IRF2: variants seen among roughly 807,000 people sequenced by gnomAD.
IRF2 encodes the protein interferon regulatory factor 2.
IRF2 carries 15 observed loss-of-function variants against 40.6 expected under a neutral mutation model. The ratio of observed to expected loss-of-function variants is 0.37; its 90% confidence interval spans 0.25 to 0.57. The LOEUF (loss-of-function observed/expected upper bound fraction) is 0.57. Among genes scored for constraint, IRF2 ranks in the 20% least tolerant of loss-of-function variants. The probability of loss-of-function intolerance (pLI) is 0.77; values close to 1 mark genes in which losing one functional copy is unlikely to be tolerated. For missense variants in IRF2, 317 were observed against 455.7 expected (o/e 0.70, Z 2.77); for synonymous variants, 151 against 165.5 (o/e 0.91, Z 0.67).
rs1307569708 is a variant in IRF2, at chr4:184,398,963, T to A, written c.646A>T (p.Met216Leu). The A allele has an allele frequency of 1.2e-6, 2 of 1,613,368 alleles. No homozygotes were observed. Among genetic ancestry groups the A allele is most frequent in the Admixed American group, 1.7e-5 (1 of 59,922 alleles). The change falls in exon 7 of 9, where the codon ATG becomes TTG. Residue 216 changes from methionine to leucine, a missense_variant. By Grantham distance (15) the Met-to-Leu change is conservative (BLOSUM62 2). Coordinates refer to ENST00000393593, the MANE Select transcript of IRF2 (RefSeq NM_002199.4). Reference protein sequence around the residue: ...TTESDEQPVSMSELYPLQISP... With the variant: ...TTESDEQPVSLSELYPLQISP... Reference sequence around the variant, plus strand: ...ATCTGCAGAGGGTAGAGCTCGCTCATGCTGACCGGCTGCTCGTCGCTCTCA... The same window carrying A: ...ATCTGCAGAGGGTAGAGCTCGCTCAAGCTGACCGGCTGCTCGTCGCTCTCA...
In IRF2 at chr4:184,391,209, C is replaced by T. The variant is rs1736250222; in HGVS notation, c.695-460G>A. Among the ~76,000 whole-genome samples, 3 of 152,234 alleles carry T rather than the reference C, an allele frequency of 2.0e-5. No homozygotes were observed. In the South Asian group the frequency reaches 6.2e-4, roughly 31 times the overall value. The stretch of plus-strand genomic sequence containing the variant: ...CCTTTAGGACTTAGATCCTGGATTT[C>T]TAGAGTTGCATCTGCCATGTGGGTT... On this transcript the variant is annotated intron_variant, in intron 7 of 8. Transcript: ENST00000393593.
rs1217937476 is a variant in IRF2 at position 184,460,150 on chromosome 4, C to T, written c.-7+14229G>A. 3.9e-5 allele frequency among the ~76,000 whole-genome samples: 6 copies of T among 152,314 alleles called. No homozygotes were observed. In the East Asian group the frequency reaches 9.6e-4, roughly 24 times the overall value. ...AATCTAGGAATATTACTCAGTCTTA[C>T]AGAGGAATGAAGCTCTGATGCATGC... On this transcript the variant is annotated intron_variant, in intron 1 of 8. Coordinates refer to ENST00000393593, the MANE Select transcript of IRF2 (RefSeq NM_002199.4).
At chr4:184,425,807 T>A (rs1003600514) in intron 2 of IRF2, among the ~76,000 whole-genome samples, 2 of 152,130 alleles carry the variant, frequency 1.3e-5, no homozygotes, top group African/African-American at 4.8e-5. Context: ...AGAAAAGGCA[T>A]CTCAACTGAG....
intron 2 of IRF2, among the ~76,000 whole-genome samples, chr4:184,428,247 G>A (rs560062582): frequency 6.6e-6 from 1 of 152,220 alleles, no homozygotes; most frequent in South Asian, 2.1e-4. Context: ...ACAAAAACAA[G>A]CTTTCTTTAA....
intron 1 of IRF2, among the ~76,000 whole-genome samples, chr4:184,443,997 T>A (rs1301134988): frequency 6.6e-6 from 1 of 152,190 alleles, no homozygotes; most frequent in Admixed American, 6.5e-5. Context: ...TTATTCATCA[T>A]GGAGTAGGAT....
At chr4:184,442,028 G>A (rs2046510967) in intron 1 of IRF2, among the ~76,000 whole-genome samples, 2 of 152,122 alleles carry the variant, frequency 1.3e-5, no homozygotes, top group South Asian at 4.1e-4. Flanking sequence ...TCTGCACTGG[G>A]AGCCTGTGTG....
chr4:184,438,713 T>C (rs554345964), intron 1 of IRF2, among the ~76,000 whole-genome samples: 1 of 152,336 alleles, frequency 6.6e-6, no homozygotes, highest in East Asian at 1.9e-4. Context: ...TTTAACATTT[T>C]TGTAGAAACA....
At chr4:184,440,599 G>A (rs767877937) in intron 1 of IRF2, among the ~76,000 whole-genome samples, 3 of 152,228 alleles carry the variant, frequency 2.0e-5, no homozygotes, top group Non-Finnish European at 2.9e-5. Flanking sequence ...GCGGCTGATC[G>A]CCTCATCTGA....
chr4:184,388,212 GGGA>G lies in IRF2; in HGVS notation c.*543_*545del, dbSNP rs1410046385. The G allele has an allele frequency of 1.8e-4, 1 of 5,518 alleles. No individual in the cohort carries two copies. Among genetic ancestry groups the G allele is most frequent in the African/African-American group, 6.0e-4 (1 of 1,672 alleles). 0.3% of individuals were successfully genotyped at this position (5,518 alleles called of 1,614,324 possible). ...AGGAAAAGTAGGAAAAGAGCGGGAT[GGGA>G]TGGGATGGGATGGGATGGGATGGGA... is the stretch of plus-strand genomic sequence containing the variant. On this transcript the variant is annotated 3_prime_UTR_variant, in exon 9 of 9. Coordinates refer to ENST00000393593, the MANE Select transcript of IRF2 (RefSeq NM_002199.4). This position sits in a 1 kb window ranked among gnomAD's most constrained non-coding sequence, Gnocchi z 4.6.
intron 1 of IRF2, among the ~76,000 whole-genome samples, chr4:184,468,496 A>AT (rs1271620350): frequency 6.6e-6 from 1 of 151,814 alleles, no homozygotes; most frequent in African/African-American, 2.4e-5. Flanking sequence ...TCAAAAAAGA[A>AT]AAAAAAAGGA....
chr4:184,420,252 G>A (rs77451352), intron 2 of IRF2, among the ~76,000 whole-genome samples: 2,828 of 152,198 alleles, frequency 0.019, 102 homozygotes, highest in African/African-American at 0.065. Context: ...TATTCTCGTC[G>A]TTTGGTAAAT....
intron 2 of IRF2, among the ~76,000 whole-genome samples, chr4:184,419,842 TC>T (rs1477734807): frequency 6.6e-6 from 1 of 152,216 alleles, no homozygotes; most frequent in Admixed American, 6.5e-5. Context: ...CCTTGTGTGT[TC>T]CATTATTTGT....
At chr4:184,412,005 TAAAAAAAA>T (rs35183333) in intron 5 of IRF2, among the ~76,000 whole-genome samples, 25 of 95,240 alleles carry the variant, frequency 2.6e-4, no homozygotes, top group Admixed American at 1.2e-4. Context: ...CTCCAAAGAT[TAAAAAAAA>T]AAAAAAAAAA....
chr4:184,416,330 A>AC (rs1185357894), intron 5 of IRF2, among the ~76,000 whole-genome samples: 2 of 42,130 alleles, frequency 4.7e-5, no homozygotes, highest in Non-Finnish European at 5.0e-5. Flanking sequence ...AAAAAAAACA[A>AC]AAAAAAAAAA....
intron 1 of IRF2, chr4:184,472,307 C>A (rs1739539836): frequency 6.6e-6 from 1 of 152,184 alleles, no homozygotes. Context: ...ACCCTCTGGG[C>A]CTGGTAGGGA....
At chr4:184,449,201 A>T (rs2149912246) in intron 1 of IRF2, among the ~76,000 whole-genome samples, 1 of 151,656 alleles carries the variant, frequency 6.6e-6, no homozygotes, top group South Asian at 2.1e-4. Flanking sequence ...GCACAAACAG[A>T]CTCTCATCAT....
At chr4:184,453,982 A>G (rs753624695) in intron 1 of IRF2, among the ~76,000 whole-genome samples, 53 of 152,316 alleles carry the variant, frequency 3.5e-4, no homozygotes, top group Admixed American at 7.2e-4. Flanking sequence ...AAGAAAACCT[A>G]TTTGCATAGA....
intron 1 of IRF2, among the ~76,000 whole-genome samples, chr4:184,437,338 G>A (rs1476628136): frequency 6.6e-6 from 1 of 151,160 alleles, no homozygotes; most frequent in African/African-American, 2.4e-5. Context: ...TTACAGGCAT[G>A]AGCCACCGCG....
rs2149889345 is a variant in IRF2 at position 184,389,003 on chromosome 4, G to A, written c.805C>T (p.Arg269Ter). 1 of 1,614,232 alleles carries A rather than the reference G, an allele frequency of 6.2e-7. No individual in the cohort carries two copies. The highest frequency in any genetic ancestry group is 8.5e-7 in the Non-Finnish European group (1 of 1,180,034). ...ATGCCGGGCAGCAGGTAGGAGCCTC[G>A]AGTCCCCATGTTGCTGAGGTACTGT... ...GKQYLSNMGT[R>*]GSYLLPGMAS... Residue 269 changes from arginine (R) to a stop codon, truncating the protein, a stop_gained, in exon 9 of 9, where the codon CGA (arginine) becomes TGA (stop). Transcript: ENST00000393593. LOFTEE classifies it high-confidence loss of function.
Sources: allele counts gnomAD v4.1 joint callset (sites outside exome capture counted in the v4.1 genomes callset), GRCh38; gene constraint gnomAD v4.1.1; non-coding constraint Gnocchi (gnomAD v3.1); transcripts MANE v1.5; gene names NCBI Gene and HGNC (gene_info 2026-07-23, HGNC 2026-07-21).